Variants in RANBP2 observed in about 807,000 individuals in gnomAD.
RANBP2 encodes the protein E3 SUMO-protein ligase RanBP2.
Under a neutral mutation model 303.6 loss-of-function variants are expected in RANBP2, and 57 were observed. That is an observed-to-expected ratio of 0.19 (90% CI 0.15 to 0.23). The LOEUF (loss-of-function observed/expected upper bound fraction) is 0.23, where lower values mean the gene tolerates loss of function less well. Ranked by LOEUF, RANBP2 falls within the 10% of genes least tolerant of loss-of-function variation. The pLI is 1.00. For missense variants in RANBP2, 3,138 were observed against 3,780.8 expected (o/e 0.83, Z 4.46); for synonymous variants, 1,167 against 1,301.5 (o/e 0.90, Z 2.23).
chr2:108,738,755 A>C (rs1410687963), intron 6 of RANBP2, among the ~76,000 whole-genome samples: 2 of 151,266 alleles, frequency 1.3e-5, no homozygotes, highest in African/African-American at 2.4e-5. Flanking sequence ...CAGCCTCCCA[A>C]GTACCTGGAA....
chr2:108,908,398 A>G, the RANBP2 span, among the ~76,000 whole-genome samples: 2 of 152,204 alleles, frequency 1.3e-5, no homozygotes, highest in Non-Finnish European at 1.5e-5. Flanking sequence ...GTAAGCACCA[A>G]GTTCAACTGG....
chr2:109,391,762 C>A, the RANBP2 span, among the ~76,000 whole-genome samples: 1 of 152,174 alleles, frequency 6.6e-6, no homozygotes, highest in South Asian at 2.1e-4. Flanking sequence ...CCCTTGGTAA[C>A]TATAGCTGGC....
At chr2:109,487,200 C>T in the RANBP2 span, among the ~76,000 whole-genome samples, 1 of 152,196 alleles carries the variant, frequency 6.6e-6, no homozygotes, top group African/African-American at 2.4e-5. Flanking sequence ...AATCTTTCAG[C>T]CCAGATCAGC....
chr2:109,393,689 C>T, the RANBP2 span, among the ~76,000 whole-genome samples: 1,100 of 152,010 alleles, frequency 7.2e-3, 12 homozygotes, highest in East Asian at 0.051. Flanking sequence ...CCTTGTATCG[C>T]GCTCCCAAGC....
chr2:109,614,684 T>C, the RANBP2 span: 1 of 1,486,588 alleles, frequency 6.7e-7, no homozygotes, highest in Non-Finnish European at 8.9e-7. Flanking sequence ...CCGTGGCCAC[T>C]GTGCGCGTCG....
At chr2:109,559,822 C>T in the RANBP2 span, among the ~76,000 whole-genome samples, 19 of 152,154 alleles carry the variant, frequency 1.2e-4, no homozygotes, top group South Asian at 1.5e-3. Flanking sequence ...TCATTCCACT[C>T]CCAGAGCTGG....
intron 25 of RANBP2, among the ~76,000 whole-genome samples, chr2:108,778,967 C>T (rs951781517): frequency 1.3e-5 from 2 of 152,114 alleles, no homozygotes; most frequent in African/African-American, 4.8e-5. Context: ...TGGGCTCAAG[C>T]AGTCCTGCCA....
chr2:109,084,809 C>G, the RANBP2 span, among the ~76,000 whole-genome samples: 1 of 152,130 alleles, frequency 6.6e-6, no homozygotes, highest in African/African-American at 2.4e-5. Flanking sequence ...ATATTTTGTT[C>G]GTTTTTTCCA....
chr2:109,632,224 C>T, the RANBP2 span, among the ~76,000 whole-genome samples: 1 of 152,184 alleles, frequency 6.6e-6, no homozygotes, highest in African/African-American at 2.4e-5. Flanking sequence ...GTATGCTTTA[C>T]AGTGAAGCTA....
chr2:109,774,538 TAAAA>T, the RANBP2 span, among the ~76,000 whole-genome samples: 1 of 95,228 alleles, frequency 1.1e-5, no homozygotes. Context: ...ATATTATATA[TAAAA>T]TATATATAAT....
the RANBP2 span, among the ~76,000 whole-genome samples, chr2:109,247,094 CCT>C: frequency 6.6e-6 from 1 of 152,136 alleles, no homozygotes; most frequent in Non-Finnish European, 1.5e-5. Context: ...TTCATTTTCC[CCT>C]GTTTGGGGAA....
In RANBP2 at chr2:108,782,699, A is replaced by T; in HGVS notation, c.9206A>T (p.Asp3069Val). 1 of 1,614,198 alleles carries T rather than the reference A, an allele frequency of 6.2e-7. No individual in the cohort carries two copies. Among genetic ancestry groups the T allele is most frequent in the Non-Finnish European group, 8.5e-7 (1 of 1,180,032 alleles). ...GAGACCAATCCTGTGGTGTTTTTTG[A>T]TGTTTGTGCGGACGGTGAACCTCTA... Reference protein sequence around the residue: ...SKETNPVVFFDVCADGEPLGR... With the variant: ...SKETNPVVFFVVCADGEPLGR... Residue 3069 changes from aspartate to valine, a missense_variant, in exon 28 of 29, where the codon GAT becomes GTT. Transcript: ENST00000283195.
chr2:109,676,475 GC>G, the RANBP2 span, among the ~76,000 whole-genome samples: 1 of 152,214 alleles, frequency 6.6e-6, no homozygotes, highest in Non-Finnish European at 1.5e-5. Flanking sequence ...GTGTTGTTGA[GC>G]AAACTTTTTC....
At chr2:109,712,654 G>C in the RANBP2 span, among the ~76,000 whole-genome samples, 1 of 152,078 alleles carries the variant, frequency 6.6e-6, no homozygotes, top group Non-Finnish European at 1.5e-5. Flanking sequence ...GGATGGTCTT[G>C]AACTCCTGAC....
the RANBP2 span, among the ~76,000 whole-genome samples, chr2:109,097,191 CT>C: frequency 1.3e-5 from 2 of 152,126 alleles, no homozygotes; most frequent in Admixed American, 1.3e-4. Context: ...GTAGTCCCAG[CT>C]ACTTGGTAGG....
chr2:108,919,133 G>C, the RANBP2 span, among the ~76,000 whole-genome samples: 18 of 152,276 alleles, frequency 1.2e-4, no homozygotes, highest in African/African-American at 4.1e-4. Flanking sequence ...CCGGTGTCTG[G>C]GAGGCTGGGA....
the RANBP2 span, among the ~76,000 whole-genome samples, chr2:109,586,548 A>G: frequency 6.6e-6 from 1 of 152,192 alleles, no homozygotes; most frequent in East Asian, 1.9e-4. Context: ...AAATTCCAGA[A>G]AGAAGGGAGT....
the RANBP2 span, chr2:108,929,445 AC>A: frequency 6.5e-7 from 1 of 1,543,496 alleles, no homozygotes. Flanking sequence ...GACTCGGCCC[AC>A]AGTCCTTGGG....
the RANBP2 span, among the ~76,000 whole-genome samples, chr2:108,932,943 T>C: frequency 6.6e-6 from 1 of 152,198 alleles, no homozygotes; most frequent in South Asian, 2.1e-4. Context: ...GGAGCACGCC[T>C]GTCCTGCCTC....
Sources: allele counts gnomAD v4.1 joint callset (sites outside exome capture counted in the v4.1 genomes callset), GRCh38; gene constraint gnomAD v4.1.1; transcripts MANE v1.5; gene names NCBI Gene and HGNC (gene_info 2026-07-23, HGNC 2026-07-21).